The following KLF15 variants were observed in gnomAD, a reference collection of about 807,000 sequenced individuals.
KLF15 encodes KLF transcription factor 15.
In KLF15, 4 loss-of-function variants were observed where a neutral mutation model predicts 24.6. The ratio of observed to expected loss-of-function variants is 0.16; its 90% CI spans 0.08 to 0.37. The LOEUF (loss-of-function observed/expected upper bound fraction) is 0.37, where lower values mean the gene tolerates loss of function less well. Ranked by LOEUF, KLF15 falls within the 10% of genes least tolerant of loss-of-function variation. KLF15 has a pLI of 1.00. For synonymous variants in KLF15, 246 were observed against 236.3 expected, an observed-to-expected ratio of 1.04 and a Z score of -0.37; for missense variants, 496 against 560.6, an observed-to-expected ratio of 0.88 and a Z score of 1.16.
the KLF15 span, among the ~76,000 whole-genome samples, chr3:126,322,749 G>T: frequency 6.6e-6 from 1 of 152,152 alleles, no homozygotes; most frequent in Admixed American, 6.5e-5. Context: ...GCTCTTGCCT[G>T]CCCACGCCAT....
chr3:126,329,934 T>A, the KLF15 span, among the ~76,000 whole-genome samples: 1 of 152,116 alleles, frequency 6.6e-6, no homozygotes, highest in Non-Finnish European at 1.5e-5. Context: ...CAGTTTTTAG[T>A]TGATTTTGAT....
At chr3:126,301,515 C>T in the KLF15 span, among the ~76,000 whole-genome samples, 4 of 152,094 alleles carry the variant, frequency 2.6e-5, no homozygotes, top group South Asian at 2.1e-4. Context: ...AGGACTCACA[C>T]GCCGCCACGC....
At chr3:126,292,803 C>T in the KLF15 span, among the ~76,000 whole-genome samples, 2 of 152,034 alleles carry the variant, frequency 1.3e-5, no homozygotes, top group African/African-American at 4.8e-5. Flanking sequence ...CGAAGGTCTG[C>T]AGGTGGCAGG....
chr3:126,352,922 TG>T lies in KLF15; in HGVS notation c.-1del. The T allele has an allele frequency of 1.3e-6, 2 of 1,599,822 alleles. No individual in the cohort carries two copies. Among genetic ancestry groups the T allele is most frequent in the Non-Finnish European group, 1.7e-6 (2 of 1,172,342 alleles). ...TCCACTGGAAGTAAGTGGTCCACCATGCTGGCCTGGCCGTGCCGGTGGCGGC... is the reference window on the plus strand; with the variant it reads ...TCCACTGGAAGTAAGTGGTCCACCATCTGGCCTGGCCGTGCCGGTGGCGGC... On this transcript the variant is annotated 5_prime_UTR_variant, in exon 2 of 3. Coordinates refer to ENST00000296233, the MANE Select transcript of KLF15 (RefSeq NM_014079.4).
chr3:126,334,067 T>A, the KLF15 span, among the ~76,000 whole-genome samples: 4 of 152,014 alleles, frequency 2.6e-5, no homozygotes, highest in Admixed American at 1.3e-4. Flanking sequence ...CTGCACCAAG[T>A]GGACCTAATA....
At chr3:126,308,650 C>A in the KLF15 span, among the ~76,000 whole-genome samples, 1 of 152,144 alleles carries the variant, frequency 6.6e-6, no homozygotes, top group African/African-American at 2.4e-5. Flanking sequence ...GGGGCATTTT[C>A]GGTGCAGCGG....
the KLF15 span, among the ~76,000 whole-genome samples, chr3:126,300,712 A>T: frequency 6.6e-6 from 1 of 152,110 alleles, no homozygotes; most frequent in Non-Finnish European, 1.5e-5. Context: ...TCCTCCACAG[A>T]CCCTGAGCAG....
rs1278779437 is a variant in KLF15 at position 126,356,392 on chromosome 3, A to AG, written c.-26+844dup. ...ACAGCCCCTCTGTGCCCTCCGTGAG[A>AG]GGGGGGTTCCATGAGTAACACCAAG... On this transcript the variant is annotated intron_variant, in intron 1 of 2. Coordinates refer to ENST00000296233, the MANE Select transcript of KLF15 (RefSeq NM_014079.4). This position sits in a 1 kb window ranked among gnomAD's most constrained non-coding sequence, Gnocchi z 4.4. Among the ~76,000 whole-genome samples the AG allele has an allele frequency of 1.3e-5, 2 of 152,042 alleles. No individual in the cohort carries two copies. The highest frequency in any genetic ancestry group is 2.4e-5 in the African/African-American group (1 of 41,402).
chr3:126,304,179 TA>T, the KLF15 span, among the ~76,000 whole-genome samples: 1 of 149,718 alleles, frequency 6.7e-6, no homozygotes, highest in African/African-American at 2.4e-5. Context: ...TGTATTTCTA[TA>T]AATATTCTTA....
intron 2 of KLF15, among the ~76,000 whole-genome samples, chr3:126,346,251 G>C (rs950599279): frequency 6.6e-6 from 1 of 152,200 alleles, no homozygotes. Flanking sequence ...GGGGTAAGCA[G>C]AAAGCTGCAG....
At chr3:126,312,980 G>C in the KLF15 span, among the ~76,000 whole-genome samples, 1 of 152,180 alleles carries the variant, frequency 6.6e-6, no homozygotes, top group East Asian at 1.9e-4. Flanking sequence ...ATTCAGGGAT[G>C]TTATGGGCTG....
At chr3:126,345,800 G>A (rs1221096925) in intron 2 of KLF15, among the ~76,000 whole-genome samples, 1 of 152,254 alleles carries the variant, frequency 6.6e-6, no homozygotes, top group Non-Finnish European at 1.5e-5. Flanking sequence ...GGGGTGGCAG[G>A]AGGGCCTGCA....
the KLF15 span, among the ~76,000 whole-genome samples, chr3:126,308,334 G>T: frequency 6.6e-6 from 1 of 152,206 alleles, no homozygotes; most frequent in South Asian, 2.1e-4. Context: ...GGCAGGGCCG[G>T]CCTCACTCCC....
At chr3:126,296,174 C>T in the KLF15 span, among the ~76,000 whole-genome samples, 1 of 152,152 alleles carries the variant, frequency 6.6e-6, no homozygotes, top group Non-Finnish European at 1.5e-5. Flanking sequence ...TGTTTCTCAG[C>T]CTCAGGGGGG....
chr3:126,350,693 C>T (rs2082575448), intron 2 of KLF15, among the ~76,000 whole-genome samples: 2 of 152,262 alleles, frequency 1.3e-5, no homozygotes. Context: ...ACATGGTGCA[C>T]AAACACCTAA....
chr3:126,353,033 C>T, intron 1 of KLF15, 86 bp from the exon 2 acceptor site: 3 of 1,422,916 alleles, frequency 2.1e-6, no homozygotes, highest in Non-Finnish European at 2.8e-6. Context: ...CCTCAGCTGC[C>T]TGCCCACAGC....
At chr3:126,326,395 C>T in the KLF15 span, among the ~76,000 whole-genome samples, 3 of 152,066 alleles carry the variant, frequency 2.0e-5, no homozygotes, top group African/African-American at 4.8e-5. Flanking sequence ...TGTAAATTAC[C>T]TTGGGCAGTA....
chr3:126,326,870 G>A, the KLF15 span, among the ~76,000 whole-genome samples: 125 of 152,020 alleles, frequency 8.2e-4, no homozygotes, highest in African/African-American at 2.6e-3. Context: ...ATAACTTATA[G>A]TTGATTTAAC....
the KLF15 span, among the ~76,000 whole-genome samples, chr3:126,291,529 T>G: frequency 6.6e-6 from 1 of 152,234 alleles, no homozygotes; most frequent in South Asian, 2.1e-4. Flanking sequence ...CTGTCAAGAC[T>G]TTGGCTGGTC....
Sources: allele counts gnomAD v4.1 joint callset (sites outside exome capture counted in the v4.1 genomes callset), GRCh38; gene constraint gnomAD v4.1.1; non-coding constraint Gnocchi (gnomAD v3.1); transcripts MANE v1.5; gene names NCBI Gene and HGNC (gene_info 2026-07-23, HGNC 2026-07-21).